ZBTB20: variants seen among roughly 807,000 people sequenced by gnomAD.
ZBTB20 encodes the protein zinc finger and BTB domain-containing protein 20.
ZBTB20 carries 9 observed loss-of-function variants against 56.9 expected under a neutral mutation model. The observed-to-expected ratio is 0.16, with a 90% confidence interval of 0.10 to 0.28. ZBTB20 has a LOEUF of 0.28. Among genes scored for constraint, ZBTB20 ranks in the 10% least tolerant of loss-of-function variants. The pLI is 1.00. For missense variants in ZBTB20, 655 were observed against 1,003.0 expected (o/e 0.65, Z 4.69); for synonymous variants, 417 against 420.7 (o/e 0.99, Z 0.11).
intron 7 of ZBTB20, among the ~76,000 whole-genome samples, chr3:114,411,309 C>T (rs1055404862): frequency 6.6e-6 from 1 of 152,056 alleles, no homozygotes; most frequent in Non-Finnish European, 1.5e-5. Context: ...TCCCAGGTCC[C>T]CCATGGCTCC....
In ZBTB20 at chr3:114,866,055, A is replaced by C. The variant is rs140266968; in HGVS notation, c.-417+34249T>G. Among the ~76,000 whole-genome samples, 368 of 152,330 alleles carry C rather than the reference A, an allele frequency of 2.4e-3. 1 individual carries two copies. The highest frequency in any genetic ancestry group is 8.4e-3 in the African/African-American group (349 of 41,590). ...GCATAATTTTGGAGGCAAACAGCTT[A>C]AGTTCAAATCCCAATTTCACCAGTT... On this transcript the variant is annotated intron_variant, in intron 4 of 11. Transcript: ENST00000675478.
At chr3:114,363,941 G>A (rs1434212444) in intron 10 of ZBTB20, among the ~76,000 whole-genome samples, 1 of 152,130 alleles carries the variant, frequency 6.6e-6, no homozygotes, top group Non-Finnish European at 1.5e-5. Flanking sequence ...CTTGCAAAAA[G>A]AAATTTCAGC....
intron 6 of ZBTB20, among the ~76,000 whole-genome samples, chr3:114,608,668 A>C (rs1265035916): frequency 3.3e-5 from 5 of 152,252 alleles, no homozygotes; most frequent in African/African-American, 1.2e-4. Context: ...GCAAAAAGTC[A>C]AATAGGGCTG....
chr3:115,019,050 C>T (rs563664709), intron 2 of ZBTB20, among the ~76,000 whole-genome samples: 14 of 151,068 alleles, frequency 9.3e-5, no homozygotes, highest in Non-Finnish European at 1.6e-4. Flanking sequence ...CCTTTGTACC[C>T]GACATCAATT....
chr3:114,859,710 G>A (rs2075425600), intron 4 of ZBTB20, among the ~76,000 whole-genome samples: 2 of 151,700 alleles, frequency 1.3e-5, no homozygotes, highest in African/African-American at 4.8e-5. Context: ...ATAAAAGACT[G>A]CAATAGCTAG....
chr3:115,082,727 A>C (rs901164296), intron 1 of ZBTB20, among the ~76,000 whole-genome samples: 2 of 152,098 alleles, frequency 1.3e-5, no homozygotes, highest in African/African-American at 4.8e-5. Flanking sequence ...AGATGGTTTC[A>C]GTGATAAAAT....
intron 6 of ZBTB20, among the ~76,000 whole-genome samples, chr3:114,623,641 T>C (rs1013834878): frequency 2.6e-5 from 4 of 152,204 alleles, no homozygotes; most frequent in Non-Finnish European, 5.9e-5. Flanking sequence ...ACATCCACTA[T>C]AGATATTCTC....
At chr3:114,568,751 G>C (rs192054626) in intron 6 of ZBTB20, among the ~76,000 whole-genome samples, 1 of 152,224 alleles carries the variant, frequency 6.6e-6, no homozygotes, top group African/African-American at 2.4e-5. Flanking sequence ...TGAATGACCT[G>C]AATGCAAGCC....
intron 6 of ZBTB20, among the ~76,000 whole-genome samples, chr3:114,587,235 G>T (rs918179558): frequency 6.6e-6 from 1 of 151,982 alleles, no homozygotes; most frequent in African/African-American, 2.4e-5. Context: ...GACTACAGGT[G>T]ATCTGCCCAC....
At chr3:115,063,597 A>T (rs180717531) in intron 2 of ZBTB20, among the ~76,000 whole-genome samples, 3 of 152,210 alleles carry the variant, frequency 2.0e-5, no homozygotes, top group Admixed American at 6.5e-5. Context: ...TTCAGCTCAT[A>T]GCATTTAGAA....
At position 114,385,386 on chromosome 3, in the gene ZBTB20, C is replaced by A. The variant is rs560610464; in HGVS notation, c.-154+3619G>T. ...GTCCTGGGTAGATTACTCCGCATCT[C>A]TGAGCCTCATTTTCCTCATCTGTAA... On this transcript the variant is annotated intron_variant, in intron 8 of 11. Coordinates refer to ENST00000675478, the MANE Select transcript of ZBTB20 (RefSeq NM_001348800.3). Among the ~76,000 whole-genome samples the A allele has an allele frequency of 1.2e-3, 186 of 152,282 alleles. 1 individual carries two copies. Among genetic ancestry groups the A allele is most frequent in the African/African-American group, 4.2e-3 (173 of 41,550 alleles).
intron 3 of ZBTB20, among the ~76,000 whole-genome samples, chr3:114,909,669 C>A (rs182778645): frequency 6.6e-6 from 1 of 151,972 alleles, no homozygotes; most frequent in Non-Finnish European, 1.5e-5. Context: ...ATAGGCCATA[C>A]CATCTACGTT....
chr3:115,103,952 C>A, intron 1 of ZBTB20, among the ~76,000 whole-genome samples: 1 of 152,234 alleles, frequency 6.6e-6, no homozygotes, highest in South Asian at 2.1e-4. Flanking sequence ...AGATGCATCT[C>A]ATAAAGGACT....
chr3:114,736,002 A>T (rs1353222564), intron 5 of ZBTB20, among the ~76,000 whole-genome samples: 1 of 152,160 alleles, frequency 6.6e-6, no homozygotes, highest in Non-Finnish European at 1.5e-5. Context: ...GCCTTTCATG[A>T]TGTTTATGTA....
intron 4 of ZBTB20, among the ~76,000 whole-genome samples, chr3:114,831,087 C>CTTTTTTT (rs57265260): frequency 1.5e-3 from 83 of 55,570 alleles, no homozygotes; most frequent in East Asian, 2.7e-3. Context: ...TTTCTTTCTT[C>CTTTTTTT]TTTTTTTTTT....
chr3:114,446,765 CCTCT>C (rs2091296801), intron 7 of ZBTB20, among the ~76,000 whole-genome samples: 1 of 152,152 alleles, frequency 6.6e-6, no homozygotes, highest in Non-Finnish European at 1.5e-5. Flanking sequence ...TTCATCTCAT[CCTCT>C]CTATTTTCCT....
At chr3:114,669,981 C>G (rs1223509360) in intron 6 of ZBTB20, among the ~76,000 whole-genome samples, 1 of 151,902 alleles carries the variant, frequency 6.6e-6, no homozygotes, top group Non-Finnish European at 1.5e-5. Context: ...ATTTGAAAAT[C>G]AAGAAAATTT....
chr3:114,744,960 C>T (rs1293864037), intron 5 of ZBTB20, among the ~76,000 whole-genome samples: 1 of 151,972 alleles, frequency 6.6e-6, no homozygotes, highest in Non-Finnish European at 1.5e-5. Context: ...GAAGAAGAGA[C>T]AATAGTAACA....
At chr3:114,672,570 G>T (rs957290853) in intron 6 of ZBTB20, among the ~76,000 whole-genome samples, 1 of 152,134 alleles carries the variant, frequency 6.6e-6, no homozygotes, top group African/African-American at 2.4e-5. Context: ...TCAACTCGAG[G>T]TTCCAAGAGG....
Sources: gnomAD v4.1 joint callset for allele counts (sites outside exome capture counted in the v4.1 genomes callset) on GRCh38, gnomAD v4.1.1 for gene constraint, MANE v1.5 for transcripts, NCBI Gene and HGNC (gene_info 2026-07-23, HGNC 2026-07-21) for gene names.